Variants in ASB13 observed in about 807,000 individuals in gnomAD.
ASB13 encodes the protein ankyrin repeat and SOCS box protein 13.
Under a neutral mutation model 28.8 loss-of-function variants are expected in ASB13, and 33 were observed. The ratio of observed to expected loss-of-function variants is 1.15; its 90% CI spans 0.87 to 1.53. The LOEUF is 1.53. Ranked by LOEUF, ASB13 falls within the 40% of genes most tolerant of loss-of-function variation. ASB13 has a pLI of 0.00. For synonymous variants in ASB13, 182 were observed against 172.9 expected (o/e 1.05, Z -0.41); for missense variants, 414 against 390.1 (o/e 1.06, Z -0.52).
In ASB13 at chr10:5,656,444, C is replaced by T. The variant is rs1266779282; in HGVS notation, c.44-3394G>A. Among the ~76,000 whole-genome samples, 1 of 151,806 alleles carries T rather than the reference C, an allele frequency of 6.6e-6. No homozygotes were observed. Among genetic ancestry groups the T allele is most frequent in the Non-Finnish European group, 1.5e-5 (1 of 68,020 alleles). ...ATCCCAGCTACTCAGGAGGCGGAGGCAGCAGAATCGCTTGAACCCAGGAGG... is the reference window on the plus strand; with the variant it reads ...ATCCCAGCTACTCAGGAGGCGGAGGTAGCAGAATCGCTTGAACCCAGGAGG... On this transcript the variant is annotated intron_variant, in intron 1 of 5. Coordinates refer to ENST00000357700, the MANE Select transcript of ASB13 (RefSeq NM_024701.4). This position sits in a 1 kb window ranked among gnomAD's most constrained non-coding sequence, Gnocchi z 4.3.
In ASB13 at chr10:5,661,985, T is replaced by C. The variant is rs1002279541; in HGVS notation, c.43+4524A>G. 4.6e-5 allele frequency among the ~76,000 whole-genome samples: 7 copies of C among 152,156 alleles called. No homozygotes were observed. The highest frequency in any genetic ancestry group is 8.8e-5 in the Non-Finnish European group (6 of 68,012). ...AATGGTGAGGGTGGGCCCTCCACCC[T>C]GACCCACCCATAAAGCCGGGCTGGG... On this transcript the variant is annotated intron_variant, in intron 1 of 5. Coordinates refer to ENST00000357700, the MANE Select transcript of ASB13 (RefSeq NM_024701.4). This position sits in a 1 kb window ranked among gnomAD's most constrained non-coding sequence, Gnocchi z 4.9.
rs117962169 is a variant in ASB13, at chr10:5,649,416, C to G, written c.383-312G>C. Among the ~76,000 whole-genome samples the G allele has an allele frequency of 6.6e-6, 1 of 152,142 alleles. No homozygotes were observed. The highest frequency in any genetic ancestry group is 2.4e-5 in the African/African-American group (1 of 41,438). ...GTCAGGGAAAACTCCCCCGCTGCCC[C>G]CCTGCCCTGTGTCTACCTGCGGCTG... is the stretch of plus-strand genomic sequence containing the variant. On this transcript the variant is annotated intron_variant, in intron 3 of 5. Coordinates refer to ENST00000357700, the MANE Select transcript of ASB13 (RefSeq NM_024701.4). This position sits in a 1 kb window ranked among gnomAD's most constrained non-coding sequence, Gnocchi z 6.4.
intron 1 of ASB13, 78 bp downstream of exon 1, chr10:5,666,431 G>C: frequency 8.4e-7 from 1 of 1,193,520 alleles, no homozygotes; most frequent in South Asian, 2.8e-5. Flanking sequence ...CCTCCCCGGC[G>C]CAGGCCATCG....
chr10:5,639,344 G>A lies in ASB13; in HGVS notation c.*1359C>T, dbSNP rs117090098. On this transcript the variant is annotated 3_prime_UTR_variant, in exon 6 of 6. Coordinates refer to ENST00000357700, the MANE Select transcript of ASB13 (RefSeq NM_024701.4). ...AGTGAGTACCACGTTCCCTTTTCCCGGCACACTGTCTCCAGGACAGGCGTG... is the reference window on the plus strand; with the variant it reads ...AGTGAGTACCACGTTCCCTTTTCCCAGCACACTGTCTCCAGGACAGGCGTG... 2.0e-3 allele frequency: 309 copies of A among 152,778 alleles called. 7 individuals are homozygous for A. In the East Asian group the frequency reaches 0.02, roughly 10 times the overall value. The allele number at this position is 152,778 out of a possible 1,614,324, so 9.5% of individuals were successfully genotyped here.
Position 5,664,630 on chromosome 10 carries a change from C to T in ASB13, c.43+1879G>A, listed in dbSNP as rs1422384547. 6.6e-6 allele frequency among the ~76,000 whole-genome samples: 1 copy of T among 152,170 alleles called. No individual in the cohort carries two copies. The highest frequency in any genetic ancestry group is 6.5e-5 in the Admixed American group (1 of 15,280). On this transcript the variant is annotated intron_variant, in intron 1 of 5. Transcript: ENST00000357700. This position sits in a 1 kb window ranked among gnomAD's most constrained non-coding sequence, Gnocchi z 4.2. ...AGCCAGTAGGTTAGAGGTTCATCTACCACAGAAGGACGTCCATAGGGAATG... is the reference window on the plus strand; with the variant it reads ...AGCCAGTAGGTTAGAGGTTCATCTATCACAGAAGGACGTCCATAGGGAATG...
In ASB13 at chr10:5,649,123, G is replaced by A. The variant is rs141933917; in HGVS notation, c.383-19C>T. ...GAACTCCCTTAAGATAAATGGAAAA[G>A]GGGGGGAATGTCCTTGAATACGGAC... On this transcript the variant is annotated intron_variant, in intron 3 of 5. Transcript: ENST00000357700. This position sits in a 1 kb window ranked among gnomAD's most constrained non-coding sequence, Gnocchi z 6.4. The A allele has an allele frequency of 3.1e-6, 5 of 1,613,394 alleles. No homozygotes were observed. In the East Asian group the frequency reaches 1.1e-4, roughly 36 times the overall value.
rs78387420 is a variant in ASB13, at chr10:5,641,707, G to A, written c.709+63C>T. On this transcript the variant is annotated intron_variant, in intron 5 of 5. Transcript: ENST00000357700. The surrounding 1 kb of genome is among the most constrained non-coding windows in gnomAD (Gnocchi z 8.4). ...TCTCCGCGGAAGCCCACAGGGAGCC[G>A]GCACGTCAGGGGTCCAGGCTGAAGG... The A allele has an allele frequency of 0.074, 109,545 of 1,489,400 alleles. 4,618 individuals carry two copies. Among genetic ancestry groups the A allele is most frequent in the Non-Finnish European group, 0.085 (93,484 of 1,105,404 alleles). 92.3% of individuals were successfully genotyped at this position (1,489,400 alleles called of 1,614,324 possible). A position where few individuals can be genotyped will look rare whatever the true frequency, so the allele number is the denominator to read the frequency against.
At chr10:5,648,648 G>A (rs969140769) in intron 4 of ASB13, among the ~76,000 whole-genome samples, 16 of 119,166 alleles carry the variant, frequency 1.3e-4, no homozygotes, top group Middle Eastern at 7.8e-3. Flanking sequence ...ACACCCACGC[G>A]GGCAAACACC....
chr10:5,650,615 C>T lies in ASB13; in HGVS notation c.382+598G>A, dbSNP rs1171324912. Among the ~76,000 whole-genome samples the T allele has an allele frequency of 6.6e-6, 1 of 152,238 alleles. No homozygotes were observed. The highest frequency in any genetic ancestry group is 2.4e-5 in the African/African-American group (1 of 41,454). On this transcript the variant is annotated intron_variant, in intron 3 of 5. Transcript: ENST00000357700. This position sits in a 1 kb window ranked among gnomAD's most constrained non-coding sequence, Gnocchi z 6.0. ...TTAGTCTGTCATTTAAACATCTTCC[C>T]ACCAGCTGGTCTCACCCTAAATTCC...
At chr10:5,648,922 G>A (rs1200550288) in intron 4 of ASB13, 48 bp downstream of exon 4, 1 of 1,604,802 alleles carries the variant, frequency 6.2e-7, no homozygotes, top group Admixed American at 1.7e-5. Context: ...ACCCGCTCGG[G>A]CAAACACCCA....
Position 5,650,931 on chromosome 10 carries a change from C to G in ASB13, c.382+282G>C, listed in dbSNP as rs1159492842. On this transcript the variant is annotated intron_variant, in intron 3 of 5. Coordinates refer to ENST00000357700, the MANE Select transcript of ASB13 (RefSeq NM_024701.4). This position sits in a 1 kb window ranked among gnomAD's most constrained non-coding sequence, Gnocchi z 6.0. The stretch of plus-strand genomic sequence containing the variant: ...CCCAAGTGAGCCTCTGCAGAGTCCC[C>G]CAGGCCCTGCTAACGTGGAGAGGCC... Among the ~76,000 whole-genome samples the G allele has an allele frequency of 6.6e-6, 1 of 152,208 alleles. No homozygotes were observed. The highest frequency in any genetic ancestry group is 2.4e-5 in the African/African-American group (1 of 41,452).
rs6602483 is a variant in ASB13 at position 5,651,416 on chromosome 10, A to G, written c.232-53T>C. On this transcript the variant is annotated intron_variant, in intron 2 of 5. Coordinates refer to ENST00000357700, the MANE Select transcript of ASB13 (RefSeq NM_024701.4). This position sits in a 1 kb window ranked among gnomAD's most constrained non-coding sequence, Gnocchi z 5.1. ...AGGGCAGAGAAATGCCACGCAACCCACTTTCCCATCCTGCTGCAGGTTCAT... is the reference window on the plus strand; with the variant it reads ...AGGGCAGAGAAATGCCACGCAACCCGCTTTCCCATCCTGCTGCAGGTTCAT... 1,489,697 of 1,492,172 alleles carry G rather than the reference A, an allele frequency of 1. 743,645 individuals are homozygous for G. The highest frequency in any genetic ancestry group is 1 in the East Asian group (40,088 of 40,088). The allele number at this position is 1,492,172 out of a possible 1,614,324, so 92.4% of individuals were successfully genotyped here.
Position 5,640,779 on chromosome 10 carries a change from G to C in ASB13, c.761C>G (p.Thr254Ser), listed in dbSNP as rs548707877. 3.7e-6 allele frequency: 6 copies of C among 1,614,166 alleles called. No homozygotes were observed. The highest frequency in any genetic ancestry group is 5.1e-6 in the Non-Finnish European group (6 of 1,180,020). Residue 254 changes from threonine (T) to serine (S), a missense_variant, in exon 6 of 6, where the codon ACT (threonine) becomes AGT (serine). Physicochemically the swap from Thr to Ser is moderately conservative, Grantham distance 58. Transcript: ENST00000357700. ...QLCRVNLRKA[T>S]GVRGLEKIAK... ...AATCTTCTCCAGCCCTCGGACGCCAGTGGCCTTCCTCAAGTTCACCCTGCA... is the reference window on the plus strand; with the variant it reads ...AATCTTCTCCAGCCCTCGGACGCCACTGGCCTTCCTCAAGTTCACCCTGCA...
chr10:5,662,534 G>GGGT (rs1554744090), intron 1 of ASB13, among the ~76,000 whole-genome samples: 1 of 29,636 alleles, frequency 3.4e-5, no homozygotes, highest in Non-Finnish European at 7.9e-5. Flanking sequence ...TGTCGAGAAG[G>GGGT]GGGGGGGAGG....
Position 5,651,474 on chromosome 10 carries a change from T to A in ASB13, c.232-111A>T. The stretch of plus-strand genomic sequence containing the variant: ...AAGATGCTTCTTAGAAGCACCGGTT[T>A]GCTTTGCTATTATGTGCTAGGCAAC... On this transcript the variant is annotated intron_variant, in intron 2 of 5. Transcript: ENST00000357700. The surrounding 1 kb of genome is among the most constrained non-coding windows in gnomAD (Gnocchi z 5.1). 7.9e-7 allele frequency: 1 copy of A among 1,272,118 alleles called. No individual in the cohort carries two copies. The highest frequency in any genetic ancestry group is 1.1e-6 in the Non-Finnish European group (1 of 936,226). The allele number at this position is 1,272,118 out of a possible 1,614,324, so 78.8% of individuals were successfully genotyped here.
rs550821765 is a variant in ASB13 at position 5,666,170 on chromosome 10, C to G, written c.43+339G>C. Among the ~76,000 whole-genome samples, 44 of 152,328 alleles carry G rather than the reference C, an allele frequency of 2.9e-4. 1 individual carries two copies. In the South Asian group the frequency reaches 8.9e-3, roughly 31 times the overall value. On this transcript the variant is annotated intron_variant, in intron 1 of 5. Transcript: ENST00000357700. ...CGTGGGCGTTTCCCAGGCTCTCCCCCGCCACTGGGCAACGGCCCCGCACGC... is the reference window on the plus strand; with the variant it reads ...CGTGGGCGTTTCCCAGGCTCTCCCCGGCCACTGGGCAACGGCCCCGCACGC...
rs115493979 is a variant in ASB13, at chr10:5,652,157, T to C, written c.231+706A>G. 1.8e-3 allele frequency among the ~76,000 whole-genome samples: 272 copies of C among 151,988 alleles called. 1 individual carries two copies. The highest frequency in any genetic ancestry group is 6.1e-3 in the African/African-American group (252 of 41,442). ...GCCAGGAAAAAGGCAACTCCCCAAATTGGCAAATTTTATTTAGCATTTGTC... is the reference window on the plus strand; with the variant it reads ...GCCAGGAAAAAGGCAACTCCCCAAACTGGCAAATTTTATTTAGCATTTGTC... On this transcript the variant is annotated intron_variant, in intron 2 of 5. Transcript: ENST00000357700. The surrounding 1 kb of genome is among the most constrained non-coding windows in gnomAD (Gnocchi z 5.0).
In ASB13 at chr10:5,641,234, T is replaced by G. The variant is rs1016889007; in HGVS notation, c.710-404A>C. Among the ~76,000 whole-genome samples, 1 of 152,142 alleles carries G rather than the reference T, an allele frequency of 6.6e-6. No individual in the cohort carries two copies. Among genetic ancestry groups the G allele is most frequent in the Non-Finnish European group, 1.5e-5 (1 of 68,008 alleles). On this transcript the variant is annotated intron_variant, in intron 5 of 5. Coordinates refer to ENST00000357700, the MANE Select transcript of ASB13 (RefSeq NM_024701.4). This position sits in a 1 kb window ranked among gnomAD's most constrained non-coding sequence, Gnocchi z 8.4. Reference sequence around the variant, plus strand: ...CTCCTGCCTCAACCTCCCGAGTAGCTGGGATTACAGGCACCCACCACCATG... The same window carrying G: ...CTCCTGCCTCAACCTCCCGAGTAGCGGGGATTACAGGCACCCACCACCATG...
Position 5,664,643 on chromosome 10 carries a change from T to A in ASB13, c.43+1866A>T, listed in dbSNP as rs1835227542. On this transcript the variant is annotated intron_variant, in intron 1 of 5. Transcript: ENST00000357700. This position sits in a 1 kb window ranked among gnomAD's most constrained non-coding sequence, Gnocchi z 4.2. ...GAGGTTCATCTACCACAGAAGGACG[T>A]CCATAGGGAATGCAGAATTTCTTTA... Among the ~76,000 whole-genome samples the A allele has an allele frequency of 6.6e-6, 1 of 152,174 alleles. No individual in the cohort carries two copies. The highest frequency in any genetic ancestry group is 1.5e-5 in the Non-Finnish European group (1 of 68,032).
Sources: allele counts gnomAD v4.1 joint callset (sites outside exome capture counted in the v4.1 genomes callset), GRCh38; gene constraint gnomAD v4.1.1; non-coding constraint Gnocchi (gnomAD v3.1); transcripts MANE v1.5; gene names NCBI Gene and HGNC (gene_info 2026-07-23, HGNC 2026-07-21).